LASP1: variants seen among roughly 807,000 people sequenced by gnomAD.
LASP1 encodes LIM and SH3 domain protein 1.
In LASP1, 10 loss-of-function variants were observed where a neutral mutation model predicts 38.6. The observed-to-expected ratio is 0.26, with a 90% CI of 0.16 to 0.44. The LOEUF is 0.44. Ranked by LOEUF, LASP1 falls within the 20% of genes least tolerant of loss-of-function variation. LASP1 has a pLI of 1.00. For missense variants in LASP1, 243 were observed against 375.7 expected (o/e 0.65, Z 2.92); for synonymous variants, 132 against 140.8 (o/e 0.94, Z 0.44).
intron 1 of LASP1, chr17:38,873,986 C>G (rs542435752): frequency 6.6e-6 from 1 of 151,564 alleles, no homozygotes; most frequent in South Asian, 2.1e-4. Flanking sequence ...GGTATCCTTG[C>G]AGGCTTCTGC....
chr17:38,885,868 C>T (rs564005409), intron 2 of LASP1, among the ~76,000 whole-genome samples: 2 of 152,304 alleles, frequency 1.3e-5, no homozygotes, highest in Non-Finnish European at 2.9e-5. Flanking sequence ...TCAGTTGGAG[C>T]TTTCTTTGAA....
At chr17:38,877,022 C>T (rs917484837) in intron 1 of LASP1, among the ~76,000 whole-genome samples, 53 of 152,206 alleles carry the variant, frequency 3.5e-4, no homozygotes, top group African/African-American at 9.4e-4. Flanking sequence ...TTCTCACACG[C>T]ATGAATGGAT....
Position 38,920,222 on chromosome 17 carries a change from ATC to A in LASP1, c.*1448_*1449del, listed in dbSNP as rs1915262209. 2.1e-6 allele frequency: 1 copy of A among 479,894 alleles called. No individual in the cohort carries two copies. Among genetic ancestry groups the A allele is most frequent in the Non-Finnish European group, 4.1e-6 (1 of 245,780 alleles). The allele number at this position is 479,894 out of a possible 1,614,324, so 29.7% of individuals were successfully genotyped here. ...TGTCACTCCAGGCATATGTTTCCCC[ATC>A]TCTGTCTGGGGCTACAGAATAGGGT... On this transcript the variant is annotated 3_prime_UTR_variant, in exon 7 of 7. Transcript: ENST00000318008.
At position 38,882,275 on chromosome 17, in the gene LASP1, G is replaced by A. The variant is rs1002144591; in HGVS notation, c.164+4095G>A. On this transcript the variant is annotated intron_variant, in intron 2 of 6. Coordinates refer to ENST00000318008, the MANE Select transcript of LASP1 (RefSeq NM_006148.4). ...TCTTTTTGTTTGTTTTTTTTGAGAC[G>A]GAGTCTCTGTCGCTCAGGCTGGAGT... Among the ~76,000 whole-genome samples the A allele has an allele frequency of 2.6e-5, 4 of 152,094 alleles. No individual in the cohort carries two copies. In the East Asian group the frequency reaches 7.7e-4, roughly 29 times the overall value.
At position 38,918,653 on chromosome 17, in the gene LASP1, G is replaced by T; in HGVS notation, c.661G>T (p.Val221Phe). The change falls in exon 7 of 7, where the codon GTC becomes TTC. Residue 221 changes from valine to phenylalanine, a missense_variant. Val to Phe is a conservative substitution (Grantham distance 50). Transcript: ENST00000318008. The surrounding 1 kb of genome is among the most constrained non-coding windows in gnomAD (Gnocchi z 4.4). ...YDYSAADEDEVSFQDGDTIVN... is the reference protein window; with the variant it reads ...YDYSAADEDEFSFQDGDTIVN... The stretch of plus-strand genomic sequence containing the variant: ...CTACAGCGCCGCCGACGAGGACGAG[G>T]TCTCCTTCCAGGACGGGGACACCAT... The T allele has an allele frequency of 1.9e-6, 3 of 1,612,592 alleles. No individual in the cohort carries two copies. The highest frequency in any genetic ancestry group is 2.5e-6 in the Non-Finnish European group (3 of 1,178,940).
intron 5 of LASP1, 144 bp from the exon 6 acceptor site, chr17:38,914,899 C>A: frequency 1.4e-6 from 1 of 737,158 alleles, no homozygotes; most frequent in Non-Finnish European, 2.4e-6. Flanking sequence ...CAAATGTGCA[C>A]ACGTGGACAT....
At chr17:38,899,396 GA>G (rs902598583) in intron 4 of LASP1, among the ~76,000 whole-genome samples, 14 of 152,286 alleles carry the variant, frequency 9.2e-5, no homozygotes, top group African/African-American at 3.1e-4. Context: ...TGGGGATAGA[GA>G]TTGCCGGGGG....
intron 2 of LASP1, among the ~76,000 whole-genome samples, chr17:38,884,872 G>T (rs2143752974): frequency 6.6e-6 from 1 of 151,988 alleles, no homozygotes; most frequent in African/African-American, 2.4e-5. Context: ...TGTATTTTTA[G>T]TAGAGACAGG....
rs1915240219 is a variant in LASP1, at chr17:38,919,586, C to T, written c.*808C>T. 3.9e-6 allele frequency: 1 copy of T among 257,988 alleles called. No homozygotes were observed. Among genetic ancestry groups the T allele is most frequent in the African/African-American group, 2.1e-5 (1 of 46,680 alleles). 16.0% of individuals were successfully genotyped at this position (257,988 alleles called of 1,614,324 possible). Reference sequence around the variant, plus strand: ...CGCCCACCCCCAGTCTCCAGGGACCCTTGCCTGCCTCCTAGGCTGGAAGCC... The same window carrying T: ...CGCCCACCCCCAGTCTCCAGGGACCTTTGCCTGCCTCCTAGGCTGGAAGCC... On this transcript the variant is annotated 3_prime_UTR_variant, in exon 7 of 7. Transcript: ENST00000318008.
At position 38,890,426 on chromosome 17, in the gene LASP1, C is replaced by T. The variant is rs747863682; in HGVS notation, c.171C>T (p.Tyr57=). The change falls in exon 3 of 7, where the codon TAC becomes TAT. Residue 57 remains tyrosine, a synonymous_variant. Coordinates refer to ENST00000318008, the MANE Select transcript of LASP1 (RefSeq NM_006148.4). ...YEKKPYCNAH[Y]PKQSFTMVAD... is the part of the protein sequence containing the mutation. ...TGTTTTTTCTGTCCTGCAGACACTA[C>T]CCCAAGCAGTCCTTCACCATGGTGG... is the stretch of plus-strand genomic sequence containing the variant. 6.2e-7 allele frequency: 1 copy of T among 1,614,006 alleles called. No individual in the cohort carries two copies. The highest frequency in any genetic ancestry group is 1.1e-5 in the South Asian group (1 of 91,084).
chr17:38,906,117 G>A (rs1310270367), intron 4 of LASP1, among the ~76,000 whole-genome samples: 1 of 152,104 alleles, frequency 6.6e-6, no homozygotes, highest in East Asian at 1.9e-4. Context: ...ATTGCATGGT[G>A]GTTGAGAACT....
At chr17:38,898,721 A>G (rs749677702) in intron 4 of LASP1, 5 of 645,772 alleles carry the variant, frequency 7.7e-6, no homozygotes, top group Admixed American at 4.2e-5. Flanking sequence ...CACGCATAGC[A>G]TTTTCTTCTT....
chr17:38,918,545 A>AG lies in LASP1; in HGVS notation c.613-60_613-59insG. On this transcript the variant is annotated intron_variant, in intron 6 of 6. Coordinates refer to ENST00000318008, the MANE Select transcript of LASP1 (RefSeq NM_006148.4). This position sits in a 1 kb window ranked among gnomAD's most constrained non-coding sequence, Gnocchi z 4.4. ...CAGGGTCGTGGAGAGTTAGAAAAAA[A>AG]TGCTCAGACCCAGGTGAGCCGGCAT... is the stretch of plus-strand genomic sequence containing the variant. The AG allele has an allele frequency of 6.6e-7, 1 of 1,505,848 alleles. No individual in the cohort carries two copies. The highest frequency in any genetic ancestry group is 1.4e-5 in the African/African-American group (1 of 71,908). 93.3% of individuals were successfully genotyped at this position (1,505,848 alleles called of 1,614,324 possible). A position where few individuals can be genotyped will look rare whatever the true frequency, so the allele number is the denominator to read the frequency against.
rs770146375 is a variant in LASP1, at chr17:38,918,711, T to C, written c.719T>C (p.Met240Thr). ...VNVQQIDDGW[M>T]YGTVERTGDT... is the part of the protein sequence containing the mutation. ...GTGCAGCAGATCGACGACGGCTGGA[T>C]GTACGGGACGGTGGAGCGCACCGGC... The change falls in exon 7 of 7, where the codon ATG becomes ACG. Residue 240 changes from methionine to threonine, a missense_variant. Around this residue, in one of 4 missense-constraint regions of LASP1, gnomAD observed 165 missense variants for 210.3 expected, o/e 0.78. Transcript: ENST00000318008. This position sits in a 1 kb window ranked among gnomAD's most constrained non-coding sequence, Gnocchi z 4.4. The C allele has an allele frequency of 6.2e-7, 1 of 1,614,010 alleles. No individual in the cohort carries two copies. The highest frequency in any genetic ancestry group is 1.3e-5 in the African/African-American group (1 of 74,934).
At chr17:38,905,486 G>A (rs977118494) in intron 4 of LASP1, among the ~76,000 whole-genome samples, 27 of 140,094 alleles carry the variant, frequency 1.9e-4, no homozygotes, top group Non-Finnish European at 1.5e-4. Context: ...AGTTGAGATC[G>A]CACCACTGCA....
At chr17:38,879,195 A>C in intron 2 of LASP1, among the ~76,000 whole-genome samples, 1 of 127,858 alleles carries the variant, frequency 7.8e-6, no homozygotes. Context: ...AGGACTCATC[A>C]CCCAGGTTGG....
In LASP1 at chr17:38,919,311, GTCTC is replaced by G. The variant is rs1487976665; in HGVS notation, c.*538_*541del. On this transcript the variant is annotated 3_prime_UTR_variant, in exon 7 of 7. Coordinates refer to ENST00000318008, the MANE Select transcript of LASP1 (RefSeq NM_006148.4). ...AAAGAGGGGGCTCTGCCCACCTGGG[GTCTC>G]TCTCCCTACCTCCCTCCTCAGGGGC... The G allele has an allele frequency of 8.3e-6, 2 of 240,856 alleles. No homozygotes were observed. The highest frequency in any genetic ancestry group is 1.0e-4 in the Admixed American group (2 of 19,638). The allele number at this position is 240,856 out of a possible 1,614,324, so 14.9% of individuals were successfully genotyped here. A position where few individuals can be genotyped will look rare whatever the true frequency, so the allele number is the denominator to read the frequency against.
chr17:38,872,884 C>G (rs1913651952), intron 1 of LASP1, among the ~76,000 whole-genome samples: 1 of 152,172 alleles, frequency 6.6e-6, no homozygotes, highest in South Asian at 2.1e-4. Context: ...CCCCAACCTG[C>G]AGTACCCAGC....
At chr17:38,912,642 G>A (rs1914989177) in intron 4 of LASP1, among the ~76,000 whole-genome samples, 1 of 152,146 alleles carries the variant, frequency 6.6e-6, no homozygotes, top group Admixed American at 6.5e-5. Context: ...TCAGACCTGA[G>A]AGGAGGAAAG....
Sources: gnomAD v4.1 joint callset for allele counts (sites outside exome capture counted in the v4.1 genomes callset) on GRCh38, gnomAD v4.1.1 for gene constraint, gnomAD v4.1.1 regional missense constraint, Gnocchi (gnomAD v3.1) non-coding constraint, MANE v1.5 for transcripts, NCBI Gene and HGNC (gene_info 2026-07-23, HGNC 2026-07-21) for gene names.